ATP10A: variants seen among roughly 807,000 people sequenced by gnomAD.
The protein encoded by ATP10A is ATPase phospholipid transporting 10A (putative).
In ATP10A, 111 loss-of-function variants were observed where a neutral mutation model predicts 147.8. The ratio of observed to expected loss-of-function variants is 0.75; its 90% confidence interval spans 0.64 to 0.88. The LOEUF is 0.88. Among genes scored for constraint, ATP10A ranks in the 40% least tolerant of loss-of-function variants. ATP10A has a pLI of 0.00. For synonymous variants in ATP10A, 875 were observed against 841.6 expected (o/e 1.04, Z -0.69); for missense variants, 1,927 against 1,959.0 (o/e 0.98, Z 0.31).
intron 1 of ATP10A, among the ~76,000 whole-genome samples, chr15:25,817,114 G>T (rs191822387): frequency 6.6e-6 from 1 of 151,582 alleles, no homozygotes; most frequent in East Asian, 1.9e-4. Flanking sequence ...ACAGAGTCTC[G>T]CTCTGTCACC....
Position 25,736,085 on chromosome 15 carries a change from G to A in ATP10A, c.711C>T (p.Asn237=). ...AGCCGCGAAACCTACTCAGGTCGTT[G>A]TTTGGCTTCTCGCATTCGATCACGC... ...FTSVIECEKP[N]NDLSRFRGCI... is the part of the protein sequence containing the mutation. The change falls in exon 3 of 21, where the codon AAC becomes AAT. Residue 237 remains asparagine (N), a synonymous_variant. Coordinates refer to ENST00000555815, the MANE Select transcript of ATP10A (RefSeq NM_024490.4). The A allele has an allele frequency of 6.2e-7, 1 of 1,613,748 alleles. No homozygotes were observed. Among genetic ancestry groups the A allele is most frequent in the Non-Finnish European group, 8.5e-7 (1 of 1,180,022 alleles).
At chr15:25,738,317 C>T (rs1887402232) in intron 2 of ATP10A, among the ~76,000 whole-genome samples, 1 of 152,192 alleles carries the variant, frequency 6.6e-6, no homozygotes, top group Admixed American at 6.5e-5. Flanking sequence ...CCCTTCTGCT[C>T]TGGGCACACT....
chr15:25,683,555 G>T (rs1158750426), intron 16 of ATP10A, 69 bp from the exon 17 acceptor site: 6 of 1,423,426 alleles, frequency 4.2e-6, no homozygotes, highest in Non-Finnish European at 5.8e-6. Flanking sequence ...TCATCCGAGG[G>T]AGCTGACAGG....
At chr15:25,702,145 C>G in intron 12 of ATP10A, 45 bp from the exon 13 acceptor site, 1 of 1,554,084 alleles carries the variant, frequency 6.4e-7, no homozygotes, top group Non-Finnish European at 8.8e-7. Context: ...TTCTCACGTG[C>G]CCCCCAATCC....
chr15:25,684,729 C>T (rs1299186835), intron 16 of ATP10A, among the ~76,000 whole-genome samples: 1 of 152,180 alleles, frequency 6.6e-6, no homozygotes, highest in East Asian at 1.9e-4. Flanking sequence ...CTGCTGGGCA[C>T]CGCAAGGCCT....
chr15:25,812,514 C>G (rs148499892), intron 1 of ATP10A, among the ~76,000 whole-genome samples: 11 of 152,334 alleles, frequency 7.2e-5, no homozygotes, highest in Non-Finnish European at 1.3e-4. Flanking sequence ...AGAACACTTG[C>G]ATTTGTTCCT....
chr15:25,756,262 T>C (rs892205781), intron 2 of ATP10A, among the ~76,000 whole-genome samples: 1 of 152,188 alleles, frequency 6.6e-6, no homozygotes. Flanking sequence ...TATTTGTGTG[T>C]CTGTTTGTCT....
chr15:25,780,601 C>T (rs1354200042), intron 2 of ATP10A, among the ~76,000 whole-genome samples: 4 of 152,210 alleles, frequency 2.6e-5, no homozygotes, highest in African/African-American at 7.2e-5. Flanking sequence ...ACGAAGACCT[C>T]GCGCTGAACC....
chr15:25,765,067 G>A (rs1243879673), intron 2 of ATP10A, among the ~76,000 whole-genome samples: 7 of 152,154 alleles, frequency 4.6e-5, no homozygotes, highest in African/African-American at 1.7e-4. Flanking sequence ...TTTTCTCCTT[G>A]AAGCCTAGAC....
intron 2 of ATP10A, among the ~76,000 whole-genome samples, chr15:25,744,659 A>G (rs1274765080): frequency 6.6e-6 from 1 of 152,250 alleles, no homozygotes; most frequent in African/African-American, 2.4e-5. Flanking sequence ...GAAATTTTCA[A>G]TTAAAAGCTG....
chr15:25,814,869 G>T (rs530707557), intron 1 of ATP10A, among the ~76,000 whole-genome samples: 1 of 152,304 alleles, frequency 6.6e-6, no homozygotes, highest in African/African-American at 2.4e-5. Flanking sequence ...GTACTGCAAA[G>T]CTTGTCACAG....
At chr15:25,819,854 A>C (rs567149558) in intron 1 of ATP10A, among the ~76,000 whole-genome samples, 1 of 152,326 alleles carries the variant, frequency 6.6e-6, no homozygotes, top group African/African-American at 2.4e-5. Flanking sequence ...ATTCTCACTT[A>C]TCAGTGGGAG....
chr15:25,756,399 T>G (rs1262302608), intron 2 of ATP10A, among the ~76,000 whole-genome samples: 2 of 152,180 alleles, frequency 1.3e-5, no homozygotes, highest in African/African-American at 4.8e-5. Context: ...ATCCCAGCAC[T>G]TTGGGAGGCC....
intron 13 of ATP10A, among the ~76,000 whole-genome samples, chr15:25,698,528 G>T (rs1900477443): frequency 6.6e-6 from 1 of 151,890 alleles, no homozygotes; most frequent in Non-Finnish European, 1.5e-5. Flanking sequence ...TATCAGTAAG[G>T]CTTCTGGTCA....
In ATP10A at chr15:25,779,845, A is replaced by AACACACACACACACACACAC. The variant is rs56111172; in HGVS notation, c.654+1154_654+1173dup. 5.2e-4 allele frequency among the ~76,000 whole-genome samples: 77 copies of AACACACACACACACACACAC among 147,376 alleles called. 2 individuals are homozygous for AACACACACACACACACACAC. Among genetic ancestry groups the AACACACACACACACACACAC allele is most frequent in the African/African-American group, 1.5e-3 (59 of 39,334 alleles). On this transcript the variant is annotated intron_variant, in intron 2 of 20. Transcript: ENST00000555815. The stretch of plus-strand genomic sequence containing the variant: ...TACACTTGGCATAAAAGAAGGTTAA[A>AACACACACACACACACACAC]ACACACACACACACACACACACACA...
chr15:25,737,108 T>A (rs1425019801), intron 2 of ATP10A, among the ~76,000 whole-genome samples: 1 of 152,234 alleles, frequency 6.6e-6, no homozygotes, highest in East Asian at 1.9e-4. Flanking sequence ...TGCTAGATAA[T>A]CGTAGCTCGA....
chr15:25,801,304 G>A (rs771895635), intron 1 of ATP10A, among the ~76,000 whole-genome samples: 4 of 152,156 alleles, frequency 2.6e-5, no homozygotes, highest in Non-Finnish European at 2.9e-5. Flanking sequence ...TGGACCAGCA[G>A]AGAAGAGGAG....
At chr15:25,834,457 G>C (rs1445371431) in intron 1 of ATP10A, among the ~76,000 whole-genome samples, 1 of 152,182 alleles carries the variant, frequency 6.6e-6, no homozygotes, top group Non-Finnish European at 1.5e-5. Context: ...AATAAGATGT[G>C]ACTTCACACC....
At chr15:25,793,797 A>G (rs1369768061) in intron 1 of ATP10A, among the ~76,000 whole-genome samples, 2 of 152,212 alleles carry the variant, frequency 1.3e-5, no homozygotes, top group Admixed American at 6.5e-5. Context: ...CAGGGCATCC[A>G]GTCGCCTTTG....
Sources: allele counts gnomAD v4.1 joint callset (sites outside exome capture counted in the v4.1 genomes callset), GRCh38; gene constraint gnomAD v4.1.1; transcripts MANE v1.5; gene names NCBI Gene and HGNC (gene_info 2026-07-23, HGNC 2026-07-21).